Variants in ABHD18 observed in about 807,000 individuals in gnomAD.
The protein encoded by ABHD18 is abhydrolase domain containing 18, also known as cardiolipin-specific deacylase, mitochondrial.
ABHD18 carries 55 observed loss-of-function variants against 65.9 expected under a neutral mutation model. That is an observed-to-expected ratio of 0.84 (90% CI 0.67 to 1.05). The LOEUF is 1.05. Ranked by LOEUF, ABHD18 falls within the 50% of genes least tolerant of loss-of-function variation. ABHD18 has a pLI of 0.00. For synonymous variants in ABHD18, 181 were observed against 180.2 expected (o/e 1.00, Z -0.04); for missense variants, 533 against 558.5 (o/e 0.95, Z 0.46).
intron 7 of ABHD18, among the ~76,000 whole-genome samples, chr4:128,013,622 CAGG>C (rs1375544740): frequency 6.6e-6 from 1 of 151,676 alleles, no homozygotes; most frequent in East Asian, 1.9e-4. Context: ...GGCGTGAACC[CAGG>C]AGGCGGAGCT....
At chr4:127,970,072 G>A (rs573687439) in intron 1 of ABHD18, among the ~76,000 whole-genome samples, 3 of 151,374 alleles carry the variant, frequency 2.0e-5, no homozygotes, top group African/African-American at 4.8e-5. Flanking sequence ...TTTAAGAGAC[G>A]AGGTCTCACT....
intron 3 of ABHD18, 82 bp downstream of exon 3, chr4:127,984,505 AAC>A: frequency 1.5e-6 from 1 of 660,444 alleles, no homozygotes; most frequent in South Asian, 2.7e-5. Flanking sequence ...ATTGGAGTAT[AAC>A]AACAATAAAC....
Position 128,037,118 on chromosome 4 carries a change from CAAAAAAAAAAA to C in ABHD18, c.*1322_*1332del, listed in dbSNP as rs755703128. On this transcript the variant is annotated 3_prime_UTR_variant, in exon 13 of 13. Coordinates refer to ENST00000645843, the MANE Select transcript of ABHD18 (RefSeq NM_001358451.3). The stretch of plus-strand genomic sequence containing the variant: ...TGGGCAACAGAGCAAAACTCCATCT[CAAAAAAAAAAA>C]AAAAAAAAAAAAAAAATTAAGCCGG... The C allele has an allele frequency of 2.8e-4, 7 of 24,846 alleles. No individual in the cohort carries two copies. The highest frequency in any genetic ancestry group is 3.9e-4 in the Non-Finnish European group (5 of 12,798). The allele number at this position is 24,846 out of a possible 1,614,324, so 1.5% of individuals were successfully genotyped here.
intron 4 of ABHD18, among the ~76,000 whole-genome samples, chr4:127,991,340 C>T (rs962675185): frequency 5.3e-5 from 8 of 152,196 alleles, no homozygotes; most frequent in African/African-American, 1.9e-4. Context: ...GATTCTCCTG[C>T]TGCAGTCTCC....
chr4:127,983,168 G>A (rs1749349970), intron 2 of ABHD18, 121 bp downstream of exon 2: 2 of 605,064 alleles, frequency 3.3e-6, no homozygotes, highest in Non-Finnish European at 5.6e-6. Flanking sequence ...ATTAAACTAT[G>A]TAAAATGTAA....
intron 7 of ABHD18, among the ~76,000 whole-genome samples, chr4:128,015,805 T>G (rs1327259716): frequency 6.6e-6 from 1 of 152,158 alleles, no homozygotes; most frequent in Non-Finnish European, 1.5e-5. Flanking sequence ...TTGGCAAGGT[T>G]TCATTCAATA....
At chr4:128,017,827 A>G (rs1327362799) in intron 8 of ABHD18, among the ~76,000 whole-genome samples, 1 of 152,196 alleles carries the variant, frequency 6.6e-6, no homozygotes, top group Non-Finnish European at 1.5e-5. Flanking sequence ...AATACTTTCC[A>G]TTTATCTGTC....
At chr4:128,029,989 CA>C (rs1474327159) in intron 11 of ABHD18, among the ~76,000 whole-genome samples, 3 of 151,916 alleles carry the variant, frequency 2.0e-5, no homozygotes, top group Non-Finnish European at 4.4e-5. Context: ...TCTTATCTCC[CA>C]AAAGAAAAAC....
At chr4:128,017,905 T>C (rs1314876291) in intron 8 of ABHD18, among the ~76,000 whole-genome samples, 1 of 152,218 alleles carries the variant, frequency 6.6e-6, no homozygotes, top group East Asian at 1.9e-4. Flanking sequence ...GGATTCCTAA[T>C]TGCTTTCTCT....
Position 128,036,656 on chromosome 4 carries a change from C to CG in ABHD18, c.*846dup, listed in dbSNP as rs1341391621. The CG allele has an allele frequency of 2.6e-5, 4 of 151,266 alleles. No individual in the cohort carries two copies. The highest frequency in any genetic ancestry group is 9.7e-5 in the African/African-American group (4 of 41,092). The allele number at this position is 151,266 out of a possible 1,614,324, so 9.4% of individuals were successfully genotyped here. ...CAGAGGCAGGAGAATCGCTTGAACCCGGGAGGCAGAGGTTGCGGTGATCCG... is the reference window on the plus strand; with the variant it reads ...CAGAGGCAGGAGAATCGCTTGAACCCGGGGAGGCAGAGGTTGCGGTGATCCG... On this transcript the variant is annotated 3_prime_UTR_variant, in exon 13 of 13. Transcript: ENST00000645843.
chr4:128,004,485 ACTT>A (rs1753253380), intron 4 of ABHD18, among the ~76,000 whole-genome samples: 1 of 151,864 alleles, frequency 6.6e-6, no homozygotes, highest in Non-Finnish European at 1.5e-5. Context: ...CAAAATAACA[ACTT>A]CTGCCTCTGC....
In ABHD18 at chr4:128,026,702, C is replaced by T. The variant is rs868211091; in HGVS notation, c.802-1773C>T. The stretch of plus-strand genomic sequence containing the variant: ...TTTTACTTAAATTCTATTGTACAGT[C>T]ATGCTCTGCATAACAATGCTTCAGT... On this transcript the variant is annotated intron_variant, in intron 10 of 12. Transcript: ENST00000645843. Among the ~76,000 whole-genome samples the T allele has an allele frequency of 4.5e-4, 69 of 152,010 alleles. 1 individual carries two copies. Among genetic ancestry groups the T allele is most frequent in the African/African-American group, 1.6e-3 (67 of 41,402 alleles).
At chr4:127,984,255 C>A in intron 2 of ABHD18, 84 bp from the exon 3 acceptor site, 1 of 676,598 alleles carries the variant, frequency 1.5e-6, no homozygotes, top group Non-Finnish European at 2.4e-6. Context: ...TTTTTAATTA[C>A]TGTTAATCAG....
At position 127,984,403 on chromosome 4, in the gene ABHD18, T is replaced by A. The variant is rs546570012; in HGVS notation, c.157T>A (p.Tyr53Asn). ...ATGCCAGAATCTGGTTTCAAGCGAT[T>A]ATCCAGTACACATTGATAAGGTATT... is the stretch of plus-strand genomic sequence containing the variant. ...ERCQNLVSSD[Y>N]PVHIDKIEEQ... The change falls in exon 3 of 13, where the codon TAT becomes AAT. Residue 53 changes from tyrosine to asparagine, a missense_variant. By Grantham distance (143) the Tyr-to-Asn change is moderately radical. Transcript: ENST00000645843. The A allele has an allele frequency of 2.6e-5, 40 of 1,545,628 alleles. No individual in the cohort carries two copies. Among genetic ancestry groups the A allele is most frequent in the Admixed American group, 3.9e-5 (2 of 50,966 alleles).
intron 1 of ABHD18, among the ~76,000 whole-genome samples, chr4:127,976,219 G>T (rs564318050): frequency 6.6e-6 from 1 of 152,092 alleles, no homozygotes; most frequent in African/African-American, 2.4e-5. Context: ...TAACCCAGGG[G>T]TCAGGAAGCT....
intron 4 of ABHD18, among the ~76,000 whole-genome samples, chr4:127,999,219 G>A (rs983512874): frequency 1.3e-5 from 2 of 152,094 alleles, no homozygotes; most frequent in Non-Finnish European, 1.5e-5. Flanking sequence ...GGGAGGTGGA[G>A]GTTGCAGTGA....
At chr4:127,990,076 T>C (rs1579223180) in intron 4 of ABHD18, among the ~76,000 whole-genome samples, 1 of 152,330 alleles carries the variant, frequency 6.6e-6, no homozygotes, top group South Asian at 2.1e-4. Context: ...TTATCCATAC[T>C]GTGGATACCA....
rs1487911719 is a variant in ABHD18, at chr4:128,037,731, G to T, written c.*1918G>T. On this transcript the variant is annotated 3_prime_UTR_variant, in exon 13 of 13. Coordinates refer to ENST00000645843, the MANE Select transcript of ABHD18 (RefSeq NM_001358451.3). Reference sequence around the variant, plus strand: ...AACTACCCAAATACTTAACAGCCTTGGCTTTTAATTTCAAAATTTAATAGA... The same window carrying T: ...AACTACCCAAATACTTAACAGCCTTTGCTTTTAATTTCAAAATTTAATAGA... 6.6e-6 allele frequency: 1 copy of T among 151,742 alleles called. No homozygotes were observed. The highest frequency in any genetic ancestry group is 6.6e-5 in the Admixed American group (1 of 15,200). 9.4% of individuals were successfully genotyped at this position (151,742 alleles called of 1,614,324 possible). A position where few individuals can be genotyped will look rare whatever the true frequency, so the allele number is the denominator to read the frequency against.
intron 1 of ABHD18, among the ~76,000 whole-genome samples, chr4:127,970,056 T>C (rs1746434755): frequency 6.6e-6 from 1 of 151,946 alleles, no homozygotes; most frequent in Non-Finnish European, 1.5e-5. Flanking sequence ...GCCAGGATTT[T>C]TTTTTTTTAA....
Sources: allele counts gnomAD v4.1 joint callset (sites outside exome capture counted in the v4.1 genomes callset), GRCh38; gene constraint gnomAD v4.1.1; transcripts MANE v1.5; gene names NCBI Gene and HGNC (gene_info 2026-07-23, HGNC 2026-07-21).